The following CA4 variants were observed in gnomAD, a reference collection of about 807,000 sequenced individuals.
The protein encoded by CA4 is carbonic anhydrase 4.
A neutral mutation model predicts 34.5 loss-of-function variants in CA4; 24 were observed. The ratio of observed to expected loss-of-function variants is 0.70; its 90% CI spans 0.50 to 0.98. The LOEUF (loss-of-function observed/expected upper bound fraction) is 0.98, where lower values mean the gene tolerates loss of function less well. Among genes scored for constraint, CA4 ranks in the 50% least tolerant of loss-of-function variants. The pLI is 0.00. For synonymous variants in CA4, 178 were observed against 170.6 expected, an observed-to-expected ratio of 1.04 and a Z score of -0.34; for missense variants, 394 against 396.7, an observed-to-expected ratio of 0.99 and a Z score of 0.06.
At chr17:60,164,883 C>T (rs1490031243) in intron 5 of CA4, among the ~76,000 whole-genome samples, 1 of 152,080 alleles carries the variant, frequency 6.6e-6, no homozygotes, top group Non-Finnish European at 1.5e-5. Flanking sequence ...GCAGCCCAGA[C>T]TCACACCGGC....
At chr17:60,166,106 T>C (rs572806891) in intron 5 of CA4, among the ~76,000 whole-genome samples, 4 of 152,296 alleles carry the variant, frequency 2.6e-5, no homozygotes, top group Admixed American at 6.5e-5. Flanking sequence ...TAGTAACTGA[T>C]AACAGACTGA....
chr17:60,150,445 G>A (rs1302361274), intron 1 of CA4, among the ~76,000 whole-genome samples: 1 of 151,978 alleles, frequency 6.6e-6, no homozygotes, highest in African/African-American at 2.4e-5. Context: ...GGCAGAGGCG[G>A]GTGGATCACC....
chr17:60,174,995 T>C (rs1018381613), downstream of CA4, among the ~76,000 whole-genome samples: 9 of 152,188 alleles, frequency 5.9e-5, no homozygotes, highest in African/African-American at 2.2e-4. Flanking sequence ...ATTCAGAAAC[T>C]AGAAACAAAA....
chr17:60,158,152 C>T (rs760994601), intron 6 of CA4, 25 bp downstream of exon 6: 1 of 1,601,844 alleles, frequency 6.2e-7, no homozygotes, highest in East Asian at 2.2e-5. Context: ...GGGAGAAGGG[C>T]TTGGGGTGAG....
At chr17:60,177,926 G>A in the CA4 span, among the ~76,000 whole-genome samples, 3,089 of 151,944 alleles carry the variant, frequency 0.02, 99 homozygotes, top group African/African-American at 0.07. Flanking sequence ...CCAAAAATAA[G>A]GTGAAACATT....
chr17:60,169,333 G>A (rs752044661), intron 5 of CA4, among the ~76,000 whole-genome samples: 20 of 152,062 alleles, frequency 1.3e-4, no homozygotes, highest in Middle Eastern at 3.5e-3. Context: ...TTGGAATTTG[G>A]TGATGCTTCA....
At chr17:60,155,506 C>A (rs1445918810) in intron 2 of CA4, 139 bp downstream of exon 2, 1 of 634,888 alleles carries the variant, frequency 1.6e-6, no homozygotes. Flanking sequence ...CATACACACA[C>A]ACACACACAC....
rs113032918 is a variant in CA4, at chr17:60,168,228, G to GTGAT, written c.*179-2321_*179-2318dup. ...ATTTTTTGGGGGGGCGTGGGGAAGG[G>GTGAT]TGATTTCTTTTTTTCGGGGGGGAGG... On this transcript the variant is annotated intron_variant and NMD_transcript_variant, in intron 5 of 5. Transcript: ENST00000586876. Among the ~76,000 whole-genome samples, 812 of 114,346 alleles carry GTGAT rather than the reference G, an allele frequency of 7.1e-3. 41 individuals are homozygous for GTGAT. The highest frequency in any genetic ancestry group is 0.028 in the African/African-American group (772 of 27,748). The allele number at this position is 114,346 out of a possible 152,430, so 75.0% of individuals were successfully genotyped here.
chr17:60,162,896 C>A (rs570519138), downstream of CA4, among the ~76,000 whole-genome samples: 360 of 152,298 alleles, frequency 2.4e-3, 5 homozygotes, highest in African/African-American at 8.2e-3. Context: ...TTGGCTGAGC[C>A]ATCTGTGTCC....
At chr17:60,155,085 T>C (rs1683204641) in intron 1 of CA4, among the ~76,000 whole-genome samples, 1 of 152,212 alleles carries the variant, frequency 6.6e-6, no homozygotes, top group South Asian at 2.1e-4. Flanking sequence ...CTGCTTGGCC[T>C]GGCCCTGCCT....
intron 5 of CA4, among the ~76,000 whole-genome samples, chr17:60,164,951 A>AT (rs1470062542): frequency 6.6e-6 from 1 of 151,840 alleles, no homozygotes; most frequent in African/African-American, 2.4e-5. Context: ...AGTTTAATTC[A>AT]TTTTTCTGAG....
chr17:60,166,063 C>G (rs73320952), intron 5 of CA4, among the ~76,000 whole-genome samples: 1 of 152,158 alleles, frequency 6.6e-6, no homozygotes, highest in African/African-American at 2.4e-5. Flanking sequence ...TTCCTCCTCC[C>G]GGTCACCTCC....
intron 3 of CA4, 99 bp downstream of exon 3, chr17:60,156,814 C>G (rs1289948550): frequency 1.8e-6 from 2 of 1,128,506 alleles, no homozygotes; most frequent in Non-Finnish European, 2.7e-6. Flanking sequence ...GACCCAGGCC[C>G]ATCTGTGCTG....
chr17:60,159,811 C>G (rs1461368737), downstream of CA4, among the ~76,000 whole-genome samples: 3 of 152,192 alleles, frequency 2.0e-5, no homozygotes, highest in African/African-American at 7.2e-5. Flanking sequence ...AATCTGATCT[C>G]TTCATCATAT....
the CA4 span, among the ~76,000 whole-genome samples, chr17:60,177,146 A>C: frequency 6.6e-6 from 1 of 152,326 alleles, no homozygotes; most frequent in Admixed American, 6.5e-5. Context: ...AAATTATTCA[A>C]GTAGGAGAAT....
chr17:60,160,502 G>A (rs2145286692), downstream of CA4, among the ~76,000 whole-genome samples: 1 of 152,074 alleles, frequency 6.6e-6, no homozygotes, highest in East Asian at 2.0e-4. Flanking sequence ...AGTGGCTCAT[G>A]CCTGTAATTC....
rs1391565045 is a variant in CA4 at position 60,155,312 on chromosome 17, A to G, written c.59-2A>G. On this transcript the variant is annotated splice_acceptor_variant, in intron 1 of 7. Coordinates refer to ENST00000300900, the MANE Select transcript of CA4 (RefSeq NM_000717.5). LOFTEE classifies it high-confidence loss of function. ...ACTTCACACCCTTCCTCTCTGCTCCAGAGTCACACTGGTGCTACGAGGTTC... is the reference window on the plus strand; with the variant it reads ...ACTTCACACCCTTCCTCTCTGCTCCGGAGTCACACTGGTGCTACGAGGTTC... The G allele has an allele frequency of 1.2e-6, 2 of 1,611,632 alleles. No homozygotes were observed. The highest frequency in any genetic ancestry group is 2.7e-5 in the African/African-American group (2 of 74,870).
chr17:60,155,991 C>G (rs892834912), intron 2 of CA4, among the ~76,000 whole-genome samples: 2 of 152,066 alleles, frequency 1.3e-5, no homozygotes, highest in African/African-American at 4.8e-5. Flanking sequence ...CAGTGCTGCC[C>G]GCTCCTGACC....
At chr17:60,173,689 A>G (rs1183205669), downstream of CA4, among the ~76,000 whole-genome samples, 1 of 152,218 alleles carries the variant, frequency 6.6e-6, no homozygotes, top group Admixed American at 6.5e-5. Context: ...GTTTCCATAA[A>G]TGACCAACCC....
Sources: gnomAD v4.1 joint callset for allele counts (sites outside exome capture counted in the v4.1 genomes callset) on GRCh38, gnomAD v4.1.1 for gene constraint, MANE v1.5 for transcripts, NCBI Gene and HGNC (gene_info 2026-07-23, HGNC 2026-07-21) for gene names.